The following RBFOX1 variants were observed in gnomAD, a reference collection of about 807,000 sequenced individuals.
RBFOX1 encodes RNA binding protein fox-1 homolog 1.
In RBFOX1, 8 loss-of-function variants were observed where a neutral mutation model predicts 57.7. The observed-to-expected ratio is 0.14, with a 90% CI of 0.08 to 0.25. The LOEUF is 0.25. Among genes scored for constraint, RBFOX1 ranks in the 10% least tolerant of loss-of-function variants. The pLI is 1.00. For missense variants in RBFOX1, 611 were observed against 548.5 expected, an observed-to-expected ratio of 1.11 and a Z score of -1.14; for synonymous variants, 326 against 222.4, an observed-to-expected ratio of 1.47 and a Z score of -4.15.
At chr16:6,568,623 C>G (rs1243085532) in intron 2 of RBFOX1, among the ~76,000 whole-genome samples, 6 of 152,106 alleles carry the variant, frequency 3.9e-5, no homozygotes, top group African/African-American at 1.4e-4. Flanking sequence ...CTTGGGGGTT[C>G]ATTCTCATGT....
At chr16:7,131,051 A>G (rs190702180) in intron 4 of RBFOX1, among the ~76,000 whole-genome samples, 1 of 152,338 alleles carries the variant, frequency 6.6e-6, no homozygotes, top group East Asian at 1.9e-4. Flanking sequence ...AATCATAAGA[A>G]TCATAGCTTC....
intron 13 of RBFOX1, among the ~76,000 whole-genome samples, chr16:7,675,184 G>C (rs2072900181): frequency 6.6e-6 from 1 of 152,164 alleles, no homozygotes; most frequent in Non-Finnish European, 1.5e-5. Flanking sequence ...AGATGAACAA[G>C]CTATATAGAA....
At chr16:5,480,509 G>A (rs867358504) in intron 2 of RBFOX1, among the ~76,000 whole-genome samples, 5 of 152,124 alleles carry the variant, frequency 3.3e-5, no homozygotes, top group East Asian at 3.9e-4. Context: ...GAAAATGCAC[G>A]GGATTAGACA....
At chr16:7,507,291 A>G (rs1440395000) in intron 4 of RBFOX1, among the ~76,000 whole-genome samples, 1 of 152,218 alleles carries the variant, frequency 6.6e-6, no homozygotes, top group Non-Finnish European at 1.5e-5. Context: ...TTTTCATGAA[A>G]CAATATAAAC....
At chr16:6,004,087 C>T (rs1186436349) in intron 4 of RBFOX1, among the ~76,000 whole-genome samples, 1 of 152,138 alleles carries the variant, frequency 6.6e-6, no homozygotes, top group East Asian at 1.9e-4. Context: ...GCATGTGGGG[C>T]TTAATACCAA....
intron 2 of RBFOX1, among the ~76,000 whole-genome samples, chr16:6,341,396 T>C (rs986597805): frequency 3.9e-5 from 6 of 152,066 alleles, no homozygotes; most frequent in East Asian, 3.9e-4. Flanking sequence ...TAAAAGGAGG[T>C]TGAGACTTCC....
intron 1 of RBFOX1, among the ~76,000 whole-genome samples, chr16:5,386,658 C>A (rs910346237): frequency 6.6e-6 from 1 of 152,116 alleles, no homozygotes; most frequent in African/African-American, 2.4e-5. Context: ...TCACCTTTAC[C>A]CCCGGCAGAC....
chr16:5,403,347 C>G (rs1305699550), intron 1 of RBFOX1, among the ~76,000 whole-genome samples: 1 of 108,450 alleles, frequency 9.2e-6, no homozygotes, highest in African/African-American at 4.5e-5. Flanking sequence ...GAAACGCTGT[C>G]TCAAAAAAAA....
At position 6,159,883 on chromosome 16, in the gene RBFOX1, C is replaced by G. The variant is rs571222305; in HGVS notation, c.-127+139891C>G. ...AGGATATTCGGTATTAAATCAGTAT[C>G]TCCTTAAATTTGTGCTGCTCTTTTC... On this transcript the variant is annotated intron_variant, in intron 1 of 15. Transcript: ENST00000550418. Among the ~76,000 whole-genome samples the G allele has an allele frequency of 1.4e-4, 14 of 98,210 alleles. No individual in the cohort carries two copies. In the South Asian group the frequency reaches 4.7e-3, roughly 33 times the overall value. 64.4% of individuals were successfully genotyped at this position (98,210 alleles called of 152,430 possible). A position where few individuals can be genotyped will look rare whatever the true frequency, so the allele number is the denominator to read the frequency against.
chr16:7,293,699 G>A (rs1235209786), intron 4 of RBFOX1, among the ~76,000 whole-genome samples: 1 of 152,120 alleles, frequency 6.6e-6, no homozygotes, highest in Non-Finnish European at 1.5e-5. Context: ...AGATTTTTGA[G>A]AGCCAGGAAG....
intron 2 of RBFOX1, among the ~76,000 whole-genome samples, chr16:6,506,612 T>G (rs755335241): frequency 7.0e-6 from 1 of 143,296 alleles, no homozygotes; most frequent in Non-Finnish European, 1.5e-5. Context: ...GTAATAACAA[T>G]CACAGTAGCT....
chr16:7,316,624 A>G (rs1166294247), intron 4 of RBFOX1, among the ~76,000 whole-genome samples: 1 of 152,132 alleles, frequency 6.6e-6, no homozygotes, highest in Non-Finnish European at 1.5e-5. Context: ...ATCATCACAT[A>G]ACTGTGCCTT....
chr16:6,669,780 C>G (rs1350406589), intron 3 of RBFOX1, among the ~76,000 whole-genome samples: 2 of 152,094 alleles, frequency 1.3e-5, no homozygotes, highest in African/African-American at 4.8e-5. Flanking sequence ...AGGTCCTAAG[C>G]TTAAGGACTT....
At chr16:6,181,496 G>A (rs1323576625) in intron 1 of RBFOX1, among the ~76,000 whole-genome samples, 1 of 152,180 alleles carries the variant, frequency 6.6e-6, no homozygotes, top group Non-Finnish European at 1.5e-5. Flanking sequence ...AGGAATGTCT[G>A]ACTTCCTCAC....
intron 4 of RBFOX1, among the ~76,000 whole-genome samples, chr16:5,948,214 T>C (rs1187772234): frequency 6.6e-6 from 1 of 152,160 alleles, no homozygotes; most frequent in Admixed American, 6.5e-5. Flanking sequence ...ACATGTTAAT[T>C]GCGCTGACCG....
chr16:7,430,377 C>T (rs2098667099), intron 4 of RBFOX1, among the ~76,000 whole-genome samples: 1 of 152,112 alleles, frequency 6.6e-6, no homozygotes, highest in African/African-American at 2.4e-5. Context: ...TGGTACCCAC[C>T]TAGGCTGGGC....
At chr16:7,684,349 G>T in intron 14 of RBFOX1, among the ~76,000 whole-genome samples, 1 of 152,052 alleles carries the variant, frequency 6.6e-6, no homozygotes, top group Non-Finnish European at 1.5e-5. Flanking sequence ...GAATTTGAGG[G>T]GATGGGAGTC....
chr16:5,674,759 TG>T (rs2050115353), intron 3 of RBFOX1, among the ~76,000 whole-genome samples: 1 of 152,214 alleles, frequency 6.6e-6, no homozygotes, highest in South Asian at 2.1e-4. Flanking sequence ...TAACTTCAGA[TG>T]AGCCACTTTT....
chr16:5,344,779 C>T (rs796884198), intron 1 of RBFOX1, among the ~76,000 whole-genome samples: 3 of 152,108 alleles, frequency 2.0e-5, no homozygotes, highest in East Asian at 1.9e-4. Flanking sequence ...AATTATCCAA[C>T]GTTATTTAAA....
Sources: allele counts gnomAD v4.1 joint callset (sites outside exome capture counted in the v4.1 genomes callset), GRCh38; gene constraint gnomAD v4.1.1; transcripts MANE v1.5; gene names NCBI Gene and HGNC (gene_info 2026-07-23, HGNC 2026-07-21).